Variants in PRPF3 observed in about 807,000 individuals in gnomAD.
The protein encoded by PRPF3 is pre-mRNA processing factor 3.
In PRPF3, 3 loss-of-function variants were observed where a neutral mutation model predicts 89.2. The ratio of observed to expected loss-of-function variants is 0.03; its 90% CI spans 0.02 to 0.09. The LOEUF is 0.09. Among genes scored for constraint, PRPF3 ranks in the 10% least tolerant of loss-of-function variants. The pLI is 1.00. For synonymous variants in PRPF3, 270 were observed against 289.1 expected (o/e 0.93, Z 0.67); for missense variants, 463 against 828.8 (o/e 0.56, Z 5.42).
At chr1:150,328,864 T>C (rs1456785483) in intron 4 of PRPF3, among the ~76,000 whole-genome samples, 1 of 151,808 alleles carries the variant, frequency 6.6e-6, no homozygotes, top group Non-Finnish European at 1.5e-5. Flanking sequence ...ATTTTTTGTA[T>C]TTCTTTTAGT....
At chr1:150,340,143 G>A (rs1657534414) in intron 8 of PRPF3, among the ~76,000 whole-genome samples, 1 of 152,168 alleles carries the variant, frequency 6.6e-6, no homozygotes, top group Non-Finnish European at 1.5e-5. Flanking sequence ...GCGTCTGTCA[G>A]CTGTGGCATG....
chr1:150,321,887 TG>T (rs1216430273), intron 1 of PRPF3, among the ~76,000 whole-genome samples: 1 of 146,448 alleles, frequency 6.8e-6, no homozygotes, highest in Admixed American at 6.9e-5. Context: ...AGCGGGGGAG[TG>T]GGGGGCTGCA....
At chr1:150,335,611 A>G (rs1041657900) in intron 7 of PRPF3, among the ~76,000 whole-genome samples, 7 of 151,998 alleles carry the variant, frequency 4.6e-5, no homozygotes, top group African/African-American at 1.7e-4. Flanking sequence ...GATCACAGGC[A>G]TGTGCCACCA....
intron 2 of PRPF3, 39 bp from the exon 3 acceptor site, chr1:150,325,709 CTCT>C: frequency 6.2e-7 from 1 of 1,602,922 alleles, no homozygotes; most frequent in Non-Finnish European, 8.5e-7. Context: ...AGACTGTGTA[CTCT>C]TACCTTTCCA....
intron 10 of PRPF3, 41 bp downstream of exon 10, chr1:150,343,493 A>G (rs782584002): frequency 1.0e-5 from 16 of 1,607,300 alleles, no homozygotes; most frequent in African/African-American, 2.7e-5. Context: ...AAGAGTGGCA[A>G]GTTTATGTCT....
chr1:150,335,830 A>G (rs1455613908), intron 7 of PRPF3, among the ~76,000 whole-genome samples: 1 of 138,318 alleles, frequency 7.2e-6, no homozygotes, highest in Non-Finnish European at 1.5e-5. Context: ...GTGCAGTGGT[A>G]CAGTCTCAGC....
Position 150,346,077 on chromosome 1 carries a change from T to G in PRPF3, c.1700T>G (p.Leu567Arg). ...AAGATTGAAGCCAATGCTGGGCAAC[T>G]GTACCTGACAGGGGTGGTGGTACTG... Reference protein sequence around the residue: ...KFKIEANAGQLYLTGVVVLHK... With the variant: ...KFKIEANAGQRYLTGVVVLHK... The change falls in exon 13 of 16, where the codon CTG becomes CGG. Residue 567 changes from leucine (L) to arginine (R), a missense_variant. Leu to Arg is a moderately radical substitution (Grantham distance 102, BLOSUM62 -2). This residue lies in a region of PRPF3 where 261 missense variants were observed against 475.8 expected (regional missense o/e 0.55). Transcript: ENST00000324862. 3.1e-6 allele frequency: 5 copies of G among 1,614,214 alleles called. No individual in the cohort carries two copies. Among genetic ancestry groups the G allele is most frequent in the Non-Finnish European group, 4.2e-6 (5 of 1,180,042 alleles).
At chr1:150,348,120 T>C (rs1014745780) in intron 14 of PRPF3, among the ~76,000 whole-genome samples, 5 of 152,008 alleles carry the variant, frequency 3.3e-5, no homozygotes, top group African/African-American at 1.2e-4. Flanking sequence ...TGATGGCTTA[T>C]GCCTGTAATC....
At chr1:150,336,793 A>AT (rs1185825021) in intron 7 of PRPF3, among the ~76,000 whole-genome samples, 30 of 151,300 alleles carry the variant, frequency 2.0e-4, no homozygotes, top group South Asian at 2.1e-4. Context: ...ATAATACATA[A>AT]TTTTTTTAGC....
Position 150,333,008 on chromosome 1 carries a change from A to G in PRPF3, c.537A>G (p.Glu179=), listed in dbSNP as rs2101971611. The G allele has an allele frequency of 1.2e-6, 2 of 1,613,884 alleles. No homozygotes were observed. Among genetic ancestry groups the G allele is most frequent in the Non-Finnish European group, 1.7e-6 (2 of 1,179,996 alleles). ...AGACTCCTTCTTCCTCCCAACCAGAACGACTTCCTATTGGCAACACTATTC... is the reference window on the plus strand; with the variant it reads ...AGACTCCTTCTTCCTCCCAACCAGAGCGACTTCCTATTGGCAACACTATTC... ...QPKTPSSSQP[E]RLPIGNTIQP... The change falls in exon 6 of 16, where the codon GAA becomes GAG. Residue 179 remains glutamate, a synonymous_variant. Transcript: ENST00000324862.
intron 15 of PRPF3, among the ~76,000 whole-genome samples, chr1:150,349,524 C>T (rs587694968): frequency 8.5e-5 from 13 of 152,180 alleles, no homozygotes; most frequent in Admixed American, 3.9e-4. Flanking sequence ...GACTTGGAAA[C>T]GGGAATGAAT....
chr1:150,329,120 C>T (rs1398347614), intron 4 of PRPF3, among the ~76,000 whole-genome samples: 1 of 151,036 alleles, frequency 6.6e-6, no homozygotes, highest in Non-Finnish European at 1.5e-5. Context: ...ACCTCCACCT[C>T]CCAGGTTCAA....
chr1:150,347,345 G>A (rs1323227017), intron 14 of PRPF3, among the ~76,000 whole-genome samples: 3 of 151,302 alleles, frequency 2.0e-5, no homozygotes, highest in Non-Finnish European at 2.9e-5. Flanking sequence ...ACACATACAT[G>A]TACATGTACA....
chr1:150,323,057 T>G (rs921556390), intron 1 of PRPF3, among the ~76,000 whole-genome samples: 1 of 151,548 alleles, frequency 6.6e-6, no homozygotes, highest in African/African-American at 2.4e-5. Context: ...GTATTTTTAA[T>G]AGGGATGCGG....
chr1:150,339,730 G>A (rs587755233), intron 8 of PRPF3, among the ~76,000 whole-genome samples: 105 of 137,106 alleles, frequency 7.7e-4, no homozygotes, highest in Non-Finnish European at 1.3e-3. Flanking sequence ...GAGCCACCAC[G>A]CCTGGCGTTT....
chr1:150,337,253 A>G (rs1234355988), intron 7 of PRPF3, among the ~76,000 whole-genome samples: 1 of 151,108 alleles, frequency 6.6e-6, no homozygotes, highest in South Asian at 2.1e-4. Flanking sequence ...GTTAGCCAGG[A>G]TGGTCTCGAT....
chr1:150,328,546 A>ATTTTT (rs1553864478), intron 4 of PRPF3, 80 bp downstream of exon 4: 5 of 726,414 alleles, frequency 6.9e-6, no homozygotes, highest in South Asian at 2.3e-5. Flanking sequence ...TTTATTGTGG[A>ATTTTT]ATTTTTTTTT....
intron 7 of PRPF3, among the ~76,000 whole-genome samples, chr1:150,337,762 T>TAA (rs74223621): frequency 3.1e-4 from 34 of 110,394 alleles, no homozygotes; most frequent in East Asian, 4.5e-4. Context: ...AGACTCCGTC[T>TAA]ACAAAAAAAA....
At chr1:150,332,790 A>T in intron 5 of PRPF3, 23 bp downstream of exon 5, 3 of 1,607,426 alleles carry the variant, frequency 1.9e-6, no homozygotes, top group Non-Finnish European at 2.6e-6. Context: ...GATTACTCTG[A>T]ACAGAATAAT....
Sources: allele counts gnomAD v4.1 joint callset (sites outside exome capture counted in the v4.1 genomes callset), GRCh38; gene constraint gnomAD v4.1.1; regional missense constraint gnomAD v4.1.1; transcripts MANE v1.5; gene names NCBI Gene and HGNC (gene_info 2026-07-23, HGNC 2026-07-21).